Variants in NOL4 observed in about 807,000 individuals in gnomAD.
NOL4 encodes nucleolar protein 4.
Under a neutral mutation model 75.9 loss-of-function variants are expected in NOL4, and 17 were observed. That is an observed-to-expected ratio of 0.22 (90% confidence interval 0.15 to 0.34). The LOEUF (loss-of-function observed/expected upper bound fraction) is 0.34, where lower values mean the gene tolerates loss of function less well. Among genes scored for constraint, NOL4 ranks in the 10% least tolerant of loss-of-function variants. NOL4 has a pLI of 1.00. For synonymous variants in NOL4, 292 were observed against 289.9 expected (o/e 1.01, Z -0.07); for missense variants, 614 against 793.5 (o/e 0.77, Z 2.72).
intron 5 of NOL4, among the ~76,000 whole-genome samples, chr18:34,053,960 T>C (rs2076730207): frequency 6.6e-6 from 1 of 151,982 alleles, no homozygotes; most frequent in South Asian, 2.1e-4. Context: ...TGGTTTCATT[T>C]TTTTATTTAC....
At chr18:34,004,729 G>A (rs1256936657) in intron 6 of NOL4, among the ~76,000 whole-genome samples, 1 of 151,976 alleles carries the variant, frequency 6.6e-6, no homozygotes, top group African/African-American at 2.4e-5. Context: ...TTTTCTGGCT[G>A]GAAACTATTT....
intron 1 of NOL4, among the ~76,000 whole-genome samples, chr18:34,167,276 G>GA (rs2032493141): frequency 6.6e-6 from 1 of 151,808 alleles, no homozygotes; most frequent in Non-Finnish European, 1.5e-5. Flanking sequence ...GATACCAAGG[G>GA]AATACCGTAT....
At chr18:33,881,278 G>T (rs1334729264) in intron 10 of NOL4, among the ~76,000 whole-genome samples, 2 of 149,790 alleles carry the variant, frequency 1.3e-5, no homozygotes, top group African/African-American at 4.9e-5. Flanking sequence ...GAGACAATGG[G>T]GTTTTCTAGA....
chr18:33,857,776 T>G (rs754318545), intron 10 of NOL4, among the ~76,000 whole-genome samples: 2 of 152,094 alleles, frequency 1.3e-5, no homozygotes, highest in African/African-American at 4.8e-5. Flanking sequence ...TGAAGTGTTT[T>G]CCACAATACA....
intron 9 of NOL4, among the ~76,000 whole-genome samples, chr18:33,941,391 A>T (rs115088597): frequency 0.013 from 2,026 of 152,102 alleles, 44 homozygotes; most frequent in African/African-American, 0.046. Flanking sequence ...GTATAGCTAG[A>T]CAACAACCAG....
At chr18:33,868,620 T>C (rs2063543321) in intron 10 of NOL4, among the ~76,000 whole-genome samples, 1 of 149,704 alleles carries the variant, frequency 6.7e-6, no homozygotes, top group African/African-American at 2.5e-5. Context: ...TGTTTAATGG[T>C]CATATGAAAT....
chr18:33,968,989 T>C (rs2070828304), intron 6 of NOL4, among the ~76,000 whole-genome samples: 1 of 152,224 alleles, frequency 6.6e-6, no homozygotes, highest in African/African-American at 2.4e-5. Context: ...TGTTTTTTAC[T>C]GTTCAAATTA....
intron 5 of NOL4, among the ~76,000 whole-genome samples, chr18:34,063,927 A>G (rs2077164893): frequency 6.6e-6 from 1 of 152,036 alleles, no homozygotes; most frequent in African/African-American, 2.4e-5. Context: ...TGCTTTTATT[A>G]TGATTACACC....
intron 1 of NOL4, among the ~76,000 whole-genome samples, chr18:34,130,680 C>G (rs769902738): frequency 1.1e-4 from 16 of 152,102 alleles, no homozygotes; most frequent in Non-Finnish European, 1.8e-4. Flanking sequence ...GAGCCCACTA[C>G]ACAAAACTGT....
intron 9 of NOL4, among the ~76,000 whole-genome samples, chr18:33,914,755 A>G (rs1426119622): frequency 1.3e-5 from 2 of 152,132 alleles, no homozygotes; most frequent in Non-Finnish European, 2.9e-5. Context: ...GGTCAGGCCA[A>G]CTGTAAGAAT....
At chr18:34,195,356 C>A (rs942342567) in intron 1 of NOL4, among the ~76,000 whole-genome samples, 4 of 152,100 alleles carry the variant, frequency 2.6e-5, no homozygotes, top group African/African-American at 9.7e-5. Flanking sequence ...CAATTGGCAT[C>A]ATCTGTTTCT....
chr18:34,138,181 GA>G (rs2145964927), intron 1 of NOL4, among the ~76,000 whole-genome samples: 1 of 152,238 alleles, frequency 6.6e-6, no homozygotes, highest in Non-Finnish European at 1.5e-5. Context: ...GGAGGCTGCA[GA>G]AGGTGGATCT....
At chr18:33,883,645 T>A (rs1048517036) in intron 9 of NOL4, among the ~76,000 whole-genome samples, 1 of 152,032 alleles carries the variant, frequency 6.6e-6, no homozygotes, top group Non-Finnish European at 1.5e-5. Context: ...CAATTGACAG[T>A]TTTCAATTGA....
chr18:33,866,307 C>G (rs753846143), intron 10 of NOL4, among the ~76,000 whole-genome samples: 1 of 152,040 alleles, frequency 6.6e-6, no homozygotes, highest in Non-Finnish European at 1.5e-5. Context: ...AATTTTTACA[C>G]CAATTAAAAC....
chr18:34,148,809 G>C (rs1043674176), intron 1 of NOL4, among the ~76,000 whole-genome samples: 1 of 151,754 alleles, frequency 6.6e-6, no homozygotes, highest in Non-Finnish European at 1.5e-5. Context: ...TTGACAGGGG[G>C]GTATTAAAGT....
chr18:34,219,418 T>G (rs1441397493), intron 1 of NOL4, among the ~76,000 whole-genome samples: 1 of 152,220 alleles, frequency 6.6e-6, no homozygotes, highest in Admixed American at 6.5e-5. Context: ...TTTAATAAAT[T>G]TTCTCCTTTT....
intron 9 of NOL4, among the ~76,000 whole-genome samples, chr18:33,934,046 G>T (rs756301821): frequency 2.0e-5 from 3 of 152,016 alleles, no homozygotes; most frequent in African/African-American, 7.2e-5. Context: ...AATGGGTGTT[G>T]GTTAGCAGGC....
At chr18:34,101,616 A>G (rs1171314706) in intron 4 of NOL4, among the ~76,000 whole-genome samples, 3 of 152,184 alleles carry the variant, frequency 2.0e-5, no homozygotes, top group Non-Finnish European at 4.4e-5. Context: ...TAACAGAGTT[A>G]TCATTTCAAT....
intron 1 of NOL4, among the ~76,000 whole-genome samples, chr18:34,198,615 A>C (rs147072333): frequency 0.015 from 2,346 of 151,952 alleles, 64 homozygotes; most frequent in African/African-American, 0.053. Flanking sequence ...CTTTAAAAAA[A>C]ATTGCATATT....
Sources: gnomAD v4.1 joint callset for allele counts (sites outside exome capture counted in the v4.1 genomes callset) on GRCh38, gnomAD v4.1.1 for gene constraint, MANE v1.5 for transcripts, NCBI Gene and HGNC (gene_info 2026-07-23, HGNC 2026-07-21) for gene names.